NBPF3: variants seen among roughly 807,000 people sequenced by gnomAD.
The protein encoded by NBPF3 is NBPF member 3, also known as NBPF family member NBPF3.
A neutral mutation model predicts 78.1 loss-of-function variants in NBPF3; 57 were observed. The observed-to-expected ratio is 0.73, with a 90% confidence interval of 0.59 to 0.91. The LOEUF (loss-of-function observed/expected upper bound fraction) is 0.91, where lower values mean the gene tolerates loss of function less well. NBPF3 is among the 40% of genes least tolerant of loss of function. The pLI is 0.00. For missense variants in NBPF3, 510 were observed against 715.3 expected, an observed-to-expected ratio of 0.71 and a Z score of 3.27; for synonymous variants, 182 against 271.7, an observed-to-expected ratio of 0.67 and a Z score of 3.25.
intron 2 of NBPF3, among the ~76,000 whole-genome samples, chr1:21,463,658 A>G (rs1642084109): frequency 6.6e-6 from 1 of 152,244 alleles, no homozygotes; most frequent in South Asian, 2.1e-4. Flanking sequence ...CTGTCAAGGA[A>G]GTGAAAAGAT....
upstream of NBPF3, among the ~76,000 whole-genome samples, chr1:21,438,480 T>A (rs1018080938): frequency 1.4e-4 from 21 of 152,328 alleles, no homozygotes; most frequent in African/African-American, 4.8e-4. Flanking sequence ...ATAGGGGAAG[T>A]AATGATACTT....
intron 9 of NBPF3, 80 bp downstream of exon 9, chr1:21,478,387 T>C: frequency 6.7e-7 from 1 of 1,487,218 alleles, no homozygotes; most frequent in Non-Finnish European, 9.4e-7. Context: ...CTTGTGACCC[T>C]GGTTGGGCTG....
upstream of NBPF3, among the ~76,000 whole-genome samples, chr1:21,438,853 G>A (rs1232339068): frequency 1.3e-5 from 2 of 152,206 alleles, no homozygotes; most frequent in Non-Finnish European, 2.9e-5. Context: ...GAGGGCCCTA[G>A]TTTTATCTGT....
intron 4 of NBPF3, 26 bp downstream of exon 4, chr1:21,470,760 A>G: frequency 1.4e-6 from 2 of 1,475,386 alleles, no homozygotes; most frequent in Non-Finnish European, 1.9e-6. Context: ...GGGGTCAGGC[A>G]GGTGGGCAGG....
chr1:21,481,463 T>C, intron 12 of NBPF3, 134 bp from the exon 13 acceptor site: 1 of 1,160,424 alleles, frequency 8.6e-7, no homozygotes, highest in Non-Finnish European at 1.2e-6. Context: ...CTGAGGGCAA[T>C]AATTTGTTAC....
upstream of NBPF3, chr1:21,436,855 G>C: frequency 2.6e-6 from 2 of 780,818 alleles, no homozygotes; most frequent in Non-Finnish European, 3.5e-6. The surrounding 1 kb of genome is among the most constrained non-coding windows in gnomAD (Gnocchi z 4.3). Flanking sequence ...AGGCCCGGGG[G>C]GAGGGGCTCG....
intron 2 of NBPF3, chr1:21,467,451 A>G: frequency 1.7e-6 from 1 of 588,238 alleles, no homozygotes; most frequent in Non-Finnish European, 2.1e-6. Context: ...CATTCCTCTC[A>G]TCTCAAACTC....
At chr1:21,450,411 T>A (rs955879357) in intron 2 of NBPF3, among the ~76,000 whole-genome samples, 2 of 152,234 alleles carry the variant, frequency 1.3e-5, no homozygotes, top group African/African-American at 4.8e-5. Context: ...GAAAGCTCTG[T>A]CATGTATGGA....
intron 2 of NBPF3, among the ~76,000 whole-genome samples, chr1:21,465,201 G>A (rs4654941): frequency 0.54 from 74,169 of 138,310 alleles, 14,481 homozygotes; most frequent in East Asian, 0.73. Flanking sequence ...ACAACAAGGG[G>A]AACTTGGGCA....
chr1:21,461,062 T>G (rs1641921551), intron 2 of NBPF3, among the ~76,000 whole-genome samples: 1 of 152,120 alleles, frequency 6.6e-6, no homozygotes, highest in Non-Finnish European at 1.5e-5. Flanking sequence ...ATGGCTATAA[T>G]TTAAAAGACT....
chr1:21,449,478 A>ATTTATTTC (rs1196520564), intron 2 of NBPF3, among the ~76,000 whole-genome samples: 1 of 151,714 alleles, frequency 6.6e-6, no homozygotes, highest in Non-Finnish European at 1.5e-5. Context: ...TTATTTATTT[A>ATTTATTTC]TTTATTTTTT....
chr1:21,465,343 C>A (rs377716189), intron 2 of NBPF3, among the ~76,000 whole-genome samples: 3,709 of 152,306 alleles, frequency 0.024, 43 homozygotes, highest in East Asian at 0.093. Flanking sequence ...CAAACACATT[C>A]CAGGCCCCAC....
chr1:21,472,621 T>C (rs1269347856), intron 5 of NBPF3, among the ~76,000 whole-genome samples: 2 of 152,210 alleles, frequency 1.3e-5, no homozygotes, highest in East Asian at 3.9e-4. Flanking sequence ...AAAAGGTCTT[T>C]TCAGTATTTG....
chr1:21,467,521 A>G (rs1642341704), intron 2 of NBPF3, among the ~76,000 whole-genome samples: 1 of 152,214 alleles, frequency 6.6e-6, no homozygotes, highest in Non-Finnish European at 1.5e-5. Context: ...TGATCTTGCC[A>G]TGTTCTGTTA....
chr1:21,457,382 GTA>G (rs918937793), intron 2 of NBPF3, among the ~76,000 whole-genome samples: 6 of 148,614 alleles, frequency 4.0e-5, no homozygotes, highest in African/African-American at 1.2e-4. Flanking sequence ...ATATATGTAT[GTA>G]TATATATGTA....
rs1642401477 is a variant in NBPF3, at chr1:21,468,524, A to T, written c.134-164A>T. ...TCAGCTCTGAGCTCAGGCACCTCGAACATTGTTTTTGTCGTTAAGGATCCT... is the reference window on the plus strand; with the variant it reads ...TCAGCTCTGAGCTCAGGCACCTCGATCATTGTTTTTGTCGTTAAGGATCCT... On this transcript the variant is annotated intron_variant, in intron 2 of 14. Transcript: ENST00000318249. 3.4e-6 allele frequency: 5 copies of T among 1,487,918 alleles called. No homozygotes were observed. In the South Asian group the frequency reaches 4.1e-5, roughly 12 times the overall value. The allele number at this position is 1,487,918 out of a possible 1,614,324, so 92.2% of individuals were successfully genotyped here. A position where few individuals can be genotyped will look rare whatever the true frequency, so the allele number is the denominator to read the frequency against.
At chr1:21,437,392 A>T, upstream of NBPF3, 1 of 882,978 alleles carries the variant, frequency 1.1e-6, no homozygotes, top group Non-Finnish European at 1.7e-6. Context: ...CACATTGGGG[A>T]GTGGAATCCT....
intron 8 of NBPF3, among the ~76,000 whole-genome samples, 172 bp downstream of exon 8, chr1:21,475,123 C>T (rs908448364): frequency 4.6e-5 from 7 of 152,160 alleles, no homozygotes; most frequent in African/African-American, 1.4e-4. Flanking sequence ...GTTTTAATTT[C>T]GTAGTCCTCT....
upstream of NBPF3, among the ~76,000 whole-genome samples, chr1:21,437,051 G>A (rs1295017876): frequency 1.3e-5 from 2 of 152,186 alleles, no homozygotes; most frequent in African/African-American, 4.8e-5. Flanking sequence ...GGGGGTGGGT[G>A]CTTGGGCAGC....
Sources: allele counts gnomAD v4.1 joint callset (sites outside exome capture counted in the v4.1 genomes callset), GRCh38; gene constraint gnomAD v4.1.1; non-coding constraint Gnocchi (gnomAD v3.1); transcripts MANE v1.5; gene names NCBI Gene and HGNC (gene_info 2026-07-23, HGNC 2026-07-21).